The following RUNX3 variants were observed in gnomAD, a reference collection of about 807,000 sequenced individuals.
The protein encoded by RUNX3 is RUNX family transcription factor 3, also known as runt-related transcription factor 3.
RUNX3 carries 10 observed loss-of-function variants against 27.7 expected under a neutral mutation model. The ratio of observed to expected loss-of-function variants is 0.36; its 90% CI spans 0.22 to 0.61. The LOEUF is 0.61. RUNX3 is among the 20% of genes least tolerant of loss of function. The pLI is 0.72. For missense variants in RUNX3, 469 were observed against 629.5 expected, an observed-to-expected ratio of 0.75 and a Z score of 2.73; for synonymous variants, 270 against 269.2, an observed-to-expected ratio of 1.00 and a Z score of -0.03.
chr1:24,926,183 G>A (rs1641096545), intron 2 of RUNX3, among the ~76,000 whole-genome samples: 1 of 152,204 alleles, frequency 6.6e-6, no homozygotes, highest in South Asian at 2.1e-4. Flanking sequence ...AGTCAGCAGA[G>A]CTCATCAGCC....
At chr1:24,934,905 A>G (rs1347512596), upstream of RUNX3, among the ~76,000 whole-genome samples, 3 of 152,136 alleles carry the variant, frequency 2.0e-5, no homozygotes, top group African/African-American at 7.2e-5. Flanking sequence ...TAAACTCTTC[A>G]AATCTGCAGG....
chr1:24,918,108 C>T (rs1163872099), intron 3 of RUNX3, among the ~76,000 whole-genome samples: 11 of 152,176 alleles, frequency 7.2e-5, no homozygotes, highest in African/African-American at 2.7e-4. Flanking sequence ...TCTTCCAGGG[C>T]TGCTGGACTC....
chr1:24,945,474 C>T (rs1000295993), intron 2 of RUNX3, among the ~76,000 whole-genome samples: 5 of 152,160 alleles, frequency 3.3e-5, no homozygotes, highest in African/African-American at 4.8e-5. Flanking sequence ...GTTTCATAGC[C>T]GCTTCAATAT....
At position 24,944,805 on chromosome 1, in the gene RUNX3, A is replaced by T. The variant is rs112210715; in HGVS notation, c.59-14953T>A. ...GACAAGACAAGGAAACAAATTCTCC[A>T]CCAGAGCCTCCAGCAAGGAACACAG... On this transcript the variant is annotated intron_variant, in intron 2 of 6. Transcript: ENST00000338888. 8.6e-4 allele frequency among the ~76,000 whole-genome samples: 131 copies of T among 152,316 alleles called. 1 individual carries two copies. Among genetic ancestry groups the T allele is most frequent in the African/African-American group, 3.1e-3 (130 of 41,564 alleles).
chr1:24,911,784 G>C (rs959669463), intron 3 of RUNX3, among the ~76,000 whole-genome samples: 1 of 151,960 alleles, frequency 6.6e-6, no homozygotes, highest in Non-Finnish European at 1.5e-5. Context: ...GGCCACCGAG[G>C]CTTCACCATG....
intron 2 of RUNX3, among the ~76,000 whole-genome samples, chr1:24,957,925 C>T: frequency 6.6e-6 from 1 of 152,270 alleles, no homozygotes; most frequent in East Asian, 1.9e-4. Flanking sequence ...CCGAAGAGTG[C>T]CTTCCTTTAT....
chr1:24,954,253 T>G (rs1018408349), intron 2 of RUNX3, among the ~76,000 whole-genome samples: 1 of 152,246 alleles, frequency 6.6e-6, no homozygotes, highest in Admixed American at 6.5e-5. Flanking sequence ...TTAAATTTCT[T>G]AGATCCTTCA....
rs185033978 is a variant in RUNX3, at chr1:24,915,806, G to A, written c.544+3434C>T. Reference sequence around the variant, plus strand: ...AGGGGGTAACGGGCACAGGCTAGGGGGGCGTGAGGGCCTTTCCCCCACCGT... The same window carrying A: ...AGGGGGTAACGGGCACAGGCTAGGGAGGCGTGAGGGCCTTTCCCCCACCGT... On this transcript the variant is annotated intron_variant, in intron 3 of 4. Coordinates refer to ENST00000308873, the MANE Select transcript of RUNX3 (RefSeq NM_004350.3). 5.9e-3 allele frequency among the ~76,000 whole-genome samples: 896 copies of A among 152,260 alleles called. 5 individuals carry two copies. Among genetic ancestry groups the A allele is most frequent in the Middle Eastern group, 0.041 (12 of 294 alleles).
intron 3 of RUNX3, among the ~76,000 whole-genome samples, chr1:24,917,816 T>C (rs1640917297): frequency 6.6e-6 from 1 of 152,188 alleles, no homozygotes; most frequent in Non-Finnish European, 1.5e-5. Context: ...TGGTGGTCTA[T>C]GGCTCATGAG....
chr1:24,914,352 A>C (rs1282095156), intron 3 of RUNX3, among the ~76,000 whole-genome samples: 1 of 152,160 alleles, frequency 6.6e-6, no homozygotes, highest in Admixed American at 6.5e-5. Flanking sequence ...GCCACTGTCT[A>C]CCCAGCAGCA....
chr1:24,955,124 C>T (rs1641883359), intron 2 of RUNX3, among the ~76,000 whole-genome samples: 1 of 152,164 alleles, frequency 6.6e-6, no homozygotes, highest in Non-Finnish European at 1.5e-5. Context: ...GTTCCTTCCT[C>T]CCCAGATCTG....
chr1:24,915,699 C>T (rs972202508), intron 3 of RUNX3, among the ~76,000 whole-genome samples: 1 of 152,010 alleles, frequency 6.6e-6, no homozygotes, highest in Non-Finnish European at 1.5e-5. Flanking sequence ...GTGCAAAGGC[C>T]CCCGAGGCAG....
In RUNX3 at chr1:24,962,400, T is replaced by G. The variant is rs1156905040; in HGVS notation, c.58+2114A>C. The stretch of plus-strand genomic sequence containing the variant: ...CCTGAGACTGCCAAGGGTCGGTGGG[T>G]TAGGGACCCTGTAGGGGGCAGCGTG... On this transcript the variant is annotated intron_variant, in intron 2 of 6. Coordinates refer to the RUNX3 transcript ENST00000338888. The surrounding 1 kb of genome is among the most constrained non-coding windows in gnomAD (Gnocchi z 4.5). 1.3e-5 allele frequency among the ~76,000 whole-genome samples: 2 copies of G among 152,134 alleles called. No individual in the cohort carries two copies. The highest frequency in any genetic ancestry group is 2.9e-5 in the Non-Finnish European group (2 of 68,016).
At chr1:24,941,591 TTG>T (rs2124338103) in intron 2 of RUNX3, among the ~76,000 whole-genome samples, 1 of 152,254 alleles carries the variant, frequency 6.6e-6, no homozygotes, top group African/African-American at 2.4e-5. Context: ...TGATCCCAGA[TTG>T]TGTTTCCTGG....
intron 3 of RUNX3, 108 bp downstream of exon 3, chr1:24,919,132 G>T: frequency 1.5e-6 from 1 of 650,358 alleles, no homozygotes; most frequent in Non-Finnish European, 2.6e-6. Context: ...CAGAGCCAAG[G>T]ACTGCAACCC....
upstream of RUNX3, among the ~76,000 whole-genome samples, chr1:24,932,376 G>C (rs61774728): frequency 0.53 from 80,917 of 151,790 alleles, 21,769 homozygotes; most frequent in South Asian, 0.59. Context: ...CCAAGGTCGC[G>C]GGGCCGCCTG....
intron 2 of RUNX3, among the ~76,000 whole-genome samples, chr1:24,946,578 C>G (rs950193315): frequency 5.3e-5 from 8 of 152,164 alleles, no homozygotes; most frequent in African/African-American, 1.9e-4. Context: ...CCCATTCCCC[C>G]CCTACTCATG....
At chr1:24,938,638 C>T (rs1641403213) in intron 2 of RUNX3, among the ~76,000 whole-genome samples, 2 of 152,340 alleles carry the variant, frequency 1.3e-5, no homozygotes, top group South Asian at 4.1e-4. Context: ...TCCCAAAAGT[C>T]ATACATTAAA....
chr1:24,954,443 G>A (rs1641860376), intron 2 of RUNX3, among the ~76,000 whole-genome samples: 1 of 152,230 alleles, frequency 6.6e-6, no homozygotes, highest in Non-Finnish European at 1.5e-5. Context: ...AGGGAAGGAA[G>A]GAAAGGCAGA....
Sources: allele counts gnomAD v4.1 joint callset (sites outside exome capture counted in the v4.1 genomes callset), GRCh38; gene constraint gnomAD v4.1.1; non-coding constraint Gnocchi (gnomAD v3.1); transcripts MANE v1.5; gene names NCBI Gene and HGNC (gene_info 2026-07-23, HGNC 2026-07-21).